Variants in HEBP2 observed in about 807,000 individuals in gnomAD.
The protein encoded by HEBP2 is heme-binding protein 2.
HEBP2 carries 27 observed loss-of-function variants against 23.1 expected under a neutral mutation model. The ratio of observed to expected loss-of-function variants is 1.17; its 90% CI spans 0.86 to 1.61. The LOEUF (loss-of-function observed/expected upper bound fraction) is 1.61, where lower values mean the gene tolerates loss of function less well. Ranked by LOEUF, HEBP2 falls within the 40% of genes most tolerant of loss-of-function variation. The pLI, the probability that HEBP2 is intolerant of heterozygous loss-of-function variation, is 0.00. For missense variants in HEBP2, 245 were observed against 253.8 expected (o/e 0.97, Z 0.24); for synonymous variants, 99 against 95.1 (o/e 1.04, Z -0.24).
At position 138,418,122 on chromosome 6, in the gene HEBP2, C is replaced by T. The variant is rs1041463435; in HGVS notation, c.*5044C>T. ...ACAACATAACACTCATAATTACCAA[C>T]ATTCAGTAAAAAATTACTGGAAACA... On this transcript the variant is annotated 3_prime_UTR_variant, in exon 4 of 4. Coordinates refer to ENST00000607197, the MANE Select transcript of HEBP2 (RefSeq NM_014320.3). The T allele has an allele frequency of 1.3e-5, 2 of 152,192 alleles. No individual in the cohort carries two copies. The highest frequency in any genetic ancestry group is 4.8e-5 in the African/African-American group (2 of 41,436). 9.4% of individuals were successfully genotyped at this position (152,192 alleles called of 1,614,324 possible).
At chr6:138,403,640 C>A, upstream of HEBP2, 2 of 433,478 alleles carry the variant, frequency 4.6e-6, no homozygotes, top group Non-Finnish European at 8.2e-6. Context: ...TCGGCCTGGC[C>A]GGCGGAAAGG....
Position 138,420,331 on chromosome 6 carries a change from CATTT to C in HEBP2, c.*7256_*7259del, listed in dbSNP as rs2128183619. ...TGGTCCTACCAAACTCCTCTTTCAA[CATTT>C]ATCCTCAGGAAGAGAGGTCCATTGG... is the stretch of plus-strand genomic sequence containing the variant. On this transcript the variant is annotated 3_prime_UTR_variant, in exon 4 of 4. Coordinates refer to ENST00000607197, the MANE Select transcript of HEBP2 (RefSeq NM_014320.3). 6.6e-6 allele frequency: 1 copy of C among 152,286 alleles called. No homozygotes were observed. Among genetic ancestry groups the C allele is most frequent in the Admixed American group, 6.5e-5 (1 of 15,308 alleles). 9.4% of individuals were successfully genotyped at this position (152,286 alleles called of 1,614,324 possible). A position where few individuals can be genotyped will look rare whatever the true frequency, so the allele number is the denominator to read the frequency against.
chr6:138,408,670 C>G (rs1774691208), intron 3 of HEBP2, among the ~76,000 whole-genome samples: 1 of 152,194 alleles, frequency 6.6e-6, no homozygotes, highest in African/African-American at 2.4e-5. Context: ...ACTTGCTTAT[C>G]CTTTAACTTT....
intron 2 of HEBP2, among the ~76,000 whole-genome samples, chr6:138,405,679 T>G (rs1487200986): frequency 2.0e-5 from 3 of 152,204 alleles, no homozygotes; most frequent in African/African-American, 7.2e-5. Flanking sequence ...GGACCTCATT[T>G]TCTGAATGGT....
In HEBP2 at chr6:138,405,971, A is replaced by C; in HGVS notation, c.239A>C (p.Glu80Ala). The C allele has an allele frequency of 6.2e-7, 1 of 1,610,128 alleles. No homozygotes were observed. The highest frequency in any genetic ancestry group is 8.5e-7 in the Non-Finnish European group (1 of 1,178,286). Residue 80 changes from glutamate to alanine, a missense_variant and splice_region_variant, in exon 3 of 4, where the codon GAG (glutamate) becomes GCG (alanine). Physicochemically the swap from Glu to Ala is moderately radical, Grantham distance 107. Coordinates refer to ENST00000607197, the MANE Select transcript of HEBP2 (RefSeq NM_014320.3). The stretch of plus-strand genomic sequence containing the variant: ...ATTTGCTTTCATTTTTATGTCACAG[A>C]GATGAAAATAAAGATGACAGCTCCA... Reference protein sequence around the residue: ...NSYIQGKNEKEMKIKMTAPVT... With the variant: ...NSYIQGKNEKAMKIKMTAPVT...
At chr6:138,412,062 A>C (rs1223389448) in intron 3 of HEBP2, 1 of 449,722 alleles carries the variant, frequency 2.2e-6, no homozygotes, top group East Asian at 7.2e-5. Flanking sequence ...TCTGTAATCC[A>C]GTGTTTATTC....
chr6:138,410,041 A>G (rs1353778007), intron 3 of HEBP2, among the ~76,000 whole-genome samples: 2 of 152,134 alleles, frequency 1.3e-5, no homozygotes, highest in African/African-American at 4.8e-5. Context: ...TGGAGAGCCC[A>G]TTGCCACCCT....
At chr6:138,403,832 AGATTCTCTCCAT>A (rs1774580134), upstream of HEBP2, 1 of 399,918 alleles carries the variant, frequency 2.5e-6, no homozygotes, top group African/African-American at 2.1e-5. Context: ...GAACAGTTCC[AGATTCTCTCCAT>A]GTGTCTGTGG....
intron 3 of HEBP2, chr6:138,411,952 A>G (rs1774752924): frequency 5.4e-6 from 2 of 367,288 alleles, no homozygotes; most frequent in Non-Finnish European, 1.1e-5. Flanking sequence ...AAAAAAACAA[A>G]CAAACAAAAA....
upstream of HEBP2, chr6:138,404,109 A>G (rs1053810751): frequency 2.3e-5 from 5 of 215,054 alleles, no homozygotes; most frequent in Non-Finnish European, 3.6e-5. Context: ...GCACAGAAAC[A>G]GCGCCACCCC....
In HEBP2 at chr6:138,420,362, G is replaced by A. The variant is rs190931687; in HGVS notation, c.*7284G>A. 1.7e-4 allele frequency: 26 copies of A among 152,250 alleles called. No homozygotes were observed. Among genetic ancestry groups the A allele is most frequent in the South Asian group, 6.2e-4 (3 of 4,810 alleles). 9.4% of individuals were successfully genotyped at this position (152,250 alleles called of 1,614,324 possible). A position where few individuals can be genotyped will look rare whatever the true frequency, so the allele number is the denominator to read the frequency against. On this transcript the variant is annotated 3_prime_UTR_variant, in exon 4 of 4. Transcript: ENST00000607197. ...TCCTCAGGAAGAGAGGTCCATTGGC[G>A]CCCTGAAACAGTCACTCTCTGCGTG...
In HEBP2 at chr6:138,412,982, C is replaced by G; in HGVS notation, c.522C>G (p.Tyr174Ter). 6.2e-7 allele frequency: 1 copy of G among 1,613,974 alleles called. No homozygotes were observed. The change falls in exon 4 of 4, where the codon TAC becomes TAG. Residue 174 changes from tyrosine (Y) to a stop codon, truncating the protein, a stop_gained. Transcript: ENST00000607197. LOFTEE classifies it high-confidence loss of function. Reference sequence around the variant, plus strand: ...GAAAAGTTTTCGATGAGAAGGTTTACTACACTGCAGGCTACAACAGTCCTG... The same window carrying G: ...GAAAAGTTTTCGATGAGAAGGTTTAGTACACTGCAGGCTACAACAGTCCTG... ...EDGKVFDEKV[Y>*]YTAGYNSPVK...
In HEBP2 at chr6:138,415,851, G is replaced by A. The variant is rs950985544; in HGVS notation, c.*2773G>A. 1 of 152,024 alleles carries A rather than the reference G, an allele frequency of 6.6e-6. No individual in the cohort carries two copies. Among genetic ancestry groups the A allele is most frequent in the African/African-American group, 2.4e-5 (1 of 41,382 alleles). 9.4% of individuals were successfully genotyped at this position (152,024 alleles called of 1,614,324 possible). A position where few individuals can be genotyped will look rare whatever the true frequency, so the allele number is the denominator to read the frequency against. ...TGAATATTCACATCCTTCAGAAGAG[G>A]CCCACCCTTCCCCATGAAGAGCTGG... On this transcript the variant is annotated 3_prime_UTR_variant, in exon 4 of 4. Transcript: ENST00000607197.
At chr6:138,404,028 A>G (rs935749987), upstream of HEBP2, among the ~76,000 whole-genome samples, 10 of 151,498 alleles carry the variant, frequency 6.6e-5, no homozygotes, top group Non-Finnish European at 1.5e-4. Flanking sequence ...GCGCTGGGAC[A>G]CCCTCGAGGC....
chr6:138,412,837 C>G (rs1240954052), intron 3 of HEBP2, 43 bp from the exon 4 acceptor site: 2 of 1,522,182 alleles, frequency 1.3e-6, no homozygotes, highest in Non-Finnish European at 1.8e-6. Context: ...ACATTCACAT[C>G]AGTATTAAAA....
At position 138,406,159 on chromosome 6, in the gene HEBP2, G is replaced by A. The variant is rs1490196102; in HGVS notation, c.419+8G>A. The A allele has an allele frequency of 3.1e-6, 5 of 1,612,032 alleles. No individual in the cohort carries two copies. The Admixed American group carries it at 8.4e-5, about 27-fold the overall frequency. ...AATGACTGTGTTTGTACGGTAAGTG[G>A]TAGATAATTTATAGCCTTGCTGACT... On this transcript the variant is annotated splice_region_variant and intron_variant, in intron 3 of 3. Coordinates refer to ENST00000607197, the MANE Select transcript of HEBP2 (RefSeq NM_014320.3).
At position 138,412,897 on chromosome 6, in the gene HEBP2, C is replaced by T; in HGVS notation, c.437C>T (p.Ser146Phe). Residue 146 changes from serine to phenylalanine, a missense_variant, in exon 4 of 4, where the codon TCT (serine) becomes TTT (phenylalanine). Coordinates refer to ENST00000607197, the MANE Select transcript of HEBP2 (RefSeq NM_014320.3). ...CTTTGTAGGTCTTTCGATGGATTTT[C>T]TAGTGCCCAAAAGAATCAAGAACAA... ...TVFVRSFDGFSSAQKNQEQLL... is the reference protein window; with the variant it reads ...TVFVRSFDGFFSAQKNQEQLL... 2 of 1,613,740 alleles carry T rather than the reference C, an allele frequency of 1.2e-6. No individual in the cohort carries two copies.
At chr6:138,405,052 CCAGGTCGACCCGAGAT>C in intron 1 of HEBP2, 77 bp from the exon 2 acceptor site, 1 of 1,422,468 alleles carries the variant, frequency 7.0e-7, no homozygotes, top group East Asian at 2.3e-5. Flanking sequence ...CAGGACGGCT[CCAGGTCGACCCGAGAT>C]CATGGCACCG....
Position 138,418,598 on chromosome 6 carries a change from A to T in HEBP2, c.*5520A>T, listed in dbSNP as rs1220800334. ...CAAGCCAGACCAGAGGACATAAGCA[A>T]ACTGCAAGAGCAATTACTCCAACCG... On this transcript the variant is annotated 3_prime_UTR_variant, in exon 4 of 4. Transcript: ENST00000607197. 1 of 152,278 alleles carries T rather than the reference A, an allele frequency of 6.6e-6. No individual in the cohort carries two copies. Among genetic ancestry groups the T allele is most frequent in the Non-Finnish European group, 1.5e-5 (1 of 68,104 alleles). The allele number at this position is 152,278 out of a possible 1,614,324, so 9.4% of individuals were successfully genotyped here.
Sources: allele counts gnomAD v4.1 joint callset (sites outside exome capture counted in the v4.1 genomes callset), GRCh38; gene constraint gnomAD v4.1.1; transcripts MANE v1.5; gene names NCBI Gene and HGNC (gene_info 2026-07-23, HGNC 2026-07-21).